CAMTA1: variants seen among roughly 807,000 people sequenced by gnomAD.
CAMTA1 encodes calmodulin-binding transcription activator 1.
Under a neutral mutation model 170.9 loss-of-function variants are expected in CAMTA1, and 27 were observed. The ratio of observed to expected loss-of-function variants is 0.16; its 90% CI spans 0.12 to 0.22. The LOEUF (loss-of-function observed/expected upper bound fraction) is 0.22. Ranked by LOEUF, CAMTA1 falls within the 10% of genes least tolerant of loss-of-function variation. The pLI is 1.00. For missense variants in CAMTA1, 1,619 were observed against 2,217.2 expected (o/e 0.73, Z 5.42); for synonymous variants, 833 against 891.5 (o/e 0.93, Z 1.17).
intron 7 of CAMTA1, 83 bp from the exon 8 acceptor site, chr1:7,661,643 G>T: frequency 6.7e-7 from 1 of 1,497,622 alleles, no homozygotes; most frequent in East Asian, 2.3e-5. Flanking sequence ...CCTCAGGGAG[G>T]GCCTGGGTCC....
intron 11 of CAMTA1, among the ~76,000 whole-genome samples, chr1:7,707,258 A>T (rs187953093): frequency 2.6e-5 from 4 of 152,270 alleles, no homozygotes; most frequent in Admixed American, 2.6e-4. Flanking sequence ...CAGTGTATTC[A>T]TGTGGGGCTG....
chr1:7,489,992 G>A (rs555045967), intron 6 of CAMTA1, among the ~76,000 whole-genome samples: 2 of 152,304 alleles, frequency 1.3e-5, no homozygotes, highest in Admixed American at 1.3e-4. Context: ...AATGTTCCAC[G>A]CCGGGATATT....
chr1:7,708,173 A>G (rs2096541493), intron 11 of CAMTA1, among the ~76,000 whole-genome samples: 1 of 151,688 alleles, frequency 6.6e-6, no homozygotes, highest in Non-Finnish European at 1.5e-5. Context: ...TCTACAAAAA[A>G]TACAAAAATT....
chr1:7,598,298 G>T (rs2095416017), intron 6 of CAMTA1, among the ~76,000 whole-genome samples: 1 of 152,172 alleles, frequency 6.6e-6, no homozygotes, highest in Admixed American at 6.5e-5. Context: ...GTATTCCATG[G>T]TGTATATGTG....
At chr1:7,380,711 G>T (rs1243835695) in intron 5 of CAMTA1, among the ~76,000 whole-genome samples, 1 of 152,242 alleles carries the variant, frequency 6.6e-6, no homozygotes, top group Non-Finnish European at 1.5e-5. Context: ...GAAATAGTTT[G>T]AAGAGTCTTT....
intron 5 of CAMTA1, among the ~76,000 whole-genome samples, chr1:7,452,062 CG>C (rs1557738047): frequency 6.6e-6 from 1 of 152,216 alleles, no homozygotes; most frequent in Admixed American, 6.5e-5. Flanking sequence ...AACACCAGGC[CG>C]GGGGGCTAAC....
intron 5 of CAMTA1, among the ~76,000 whole-genome samples, chr1:7,393,763 A>G (rs2088985635): frequency 6.6e-6 from 1 of 152,156 alleles, no homozygotes; most frequent in African/African-American, 2.4e-5. Flanking sequence ...AATATTGTTA[A>G]CCATAGTCTC....
chr1:6,880,542 A>G (rs1006116860), intron 3 of CAMTA1, among the ~76,000 whole-genome samples: 2 of 151,906 alleles, frequency 1.3e-5, no homozygotes, highest in Non-Finnish European at 2.9e-5. Flanking sequence ...GGGGCATGCC[A>G]CCATGCCCAG....
At chr1:6,879,537 T>C (rs1303048099) in intron 3 of CAMTA1, among the ~76,000 whole-genome samples, 1 of 152,230 alleles carries the variant, frequency 6.6e-6, no homozygotes, top group Non-Finnish European at 1.5e-5. Context: ...CTTCTCTAAT[T>C]TGGTTCAAGA....
Position 7,463,865 on chromosome 1 carries a change from C to T in CAMTA1, c.439-3965C>T, listed in dbSNP as rs184456064. Among the ~76,000 whole-genome samples, 10 of 152,320 alleles carry T rather than the reference C, an allele frequency of 6.6e-5. No individual in the cohort carries two copies. The highest frequency in any genetic ancestry group is 4.1e-4 in the South Asian group (2 of 4,822). ...CCCCACTGCGTTTGAGGGGGCTCTG[C>T]GGCCATGCTCCCTTCAGAAACGCCA... On this transcript the variant is annotated intron_variant, in intron 5 of 22. Transcript: ENST00000303635. The surrounding 1 kb of genome is among the most constrained non-coding windows in gnomAD (Gnocchi z 4.7).
At chr1:7,212,955 A>G (rs754068796) in intron 4 of CAMTA1, among the ~76,000 whole-genome samples, 3 of 152,134 alleles carry the variant, frequency 2.0e-5, no homozygotes, top group Non-Finnish European at 2.9e-5. Flanking sequence ...ACTTCTTTTT[A>G]TTGCTGAGTG....
intron 4 of CAMTA1, among the ~76,000 whole-genome samples, chr1:7,149,617 C>T (rs774755054): frequency 4.6e-5 from 7 of 152,104 alleles, no homozygotes; most frequent in Non-Finnish European, 8.8e-5. Context: ...GGAATGTTGG[C>T]GATGCGAGTT....
chr1:7,494,974 G>A (rs1163534283), intron 6 of CAMTA1, among the ~76,000 whole-genome samples: 5 of 152,158 alleles, frequency 3.3e-5, no homozygotes, highest in East Asian at 1.9e-4. Context: ...CTGGGATCCC[G>A]AGACTGTGGG....
At position 7,462,328 on chromosome 1, in the gene CAMTA1, T is replaced by C. The variant is rs550318803; in HGVS notation, c.439-5502T>C. On this transcript the variant is annotated intron_variant, in intron 5 of 22. Coordinates refer to ENST00000303635, the MANE Select transcript of CAMTA1 (RefSeq NM_015215.4). ...TTGCCCAGGCTGGAGTGCAGTGGCA[T>C]AATCTTGCCTTACTGCAACCTCCAC... Among the ~76,000 whole-genome samples the C allele has an allele frequency of 5.3e-5, 8 of 152,290 alleles. No homozygotes were observed. In the East Asian group the frequency reaches 7.7e-4, roughly 15 times the overall value.
In CAMTA1 at chr1:7,586,075, G is replaced by T. The variant is rs111748608; in HGVS notation, c.511-54325G>T. ...CAGACAAGGTGGTGAGAACAAGCTG[G>T]AATGAGAACCAGAGGAGCCTGGAGG... On this transcript the variant is annotated intron_variant, in intron 6 of 22. Coordinates refer to ENST00000303635, the MANE Select transcript of CAMTA1 (RefSeq NM_015215.4). Among the ~76,000 whole-genome samples, 1,319 of 152,026 alleles carry T rather than the reference G, an allele frequency of 8.7e-3. 24 individuals are homozygous for T. The highest frequency in any genetic ancestry group is 0.031 in the African/African-American group (1,264 of 41,330).
chr1:6,899,535 A>G (rs986381660), intron 3 of CAMTA1, among the ~76,000 whole-genome samples: 1 of 140,754 alleles, frequency 7.1e-6, no homozygotes, highest in Non-Finnish European at 1.5e-5. Context: ...TTATATGTGT[A>G]TAACGCGCAC....
At chr1:7,266,805 T>A (rs1669010149) in intron 5 of CAMTA1, among the ~76,000 whole-genome samples, 1 of 152,162 alleles carries the variant, frequency 6.6e-6, no homozygotes, top group Non-Finnish European at 1.5e-5. Flanking sequence ...GGACAGTGGA[T>A]GCCCTAAGGC....
intron 7 of CAMTA1, among the ~76,000 whole-genome samples, chr1:7,643,972 A>G (rs945236589): frequency 1.3e-5 from 2 of 152,258 alleles, no homozygotes; most frequent in African/African-American, 4.8e-5. Flanking sequence ...CGGGTCACCC[A>G]ACACTGGAGC....
At chr1:7,448,367 T>C (rs576781705) in intron 5 of CAMTA1, among the ~76,000 whole-genome samples, 1 of 152,164 alleles carries the variant, frequency 6.6e-6, no homozygotes, top group Non-Finnish European at 1.5e-5. Flanking sequence ...CGAACCTCCA[T>C]GTCCTGGAGG....
Sources: gnomAD v4.1 joint callset for allele counts (sites outside exome capture counted in the v4.1 genomes callset) on GRCh38, gnomAD v4.1.1 for gene constraint, Gnocchi (gnomAD v3.1) non-coding constraint, MANE v1.5 for transcripts, NCBI Gene and HGNC (gene_info 2026-07-23, HGNC 2026-07-21) for gene names.